ATP13A4: variants seen among roughly 807,000 people sequenced by gnomAD.
ATP13A4 encodes probable cation-transporting ATPase 13A4.
A neutral mutation model predicts 142.5 loss-of-function variants in ATP13A4; 114 were observed. That is an observed-to-expected ratio of 0.80 (90% CI 0.69 to 0.93). ATP13A4 has a LOEUF of 0.93. Among genes scored for constraint, ATP13A4 ranks in the 40% least tolerant of loss-of-function variants. The pLI, the probability that ATP13A4 is intolerant of heterozygous loss-of-function variation, is 0.00. For synonymous variants in ATP13A4, 488 were observed against 514.8 expected (o/e 0.95, Z 0.70); for missense variants, 1,392 against 1,454.0 (o/e 0.96, Z 0.69).
At chr3:193,572,296 T>C (rs1474341318) in intron 2 of ATP13A4, among the ~76,000 whole-genome samples, 1 of 152,160 alleles carries the variant, frequency 6.6e-6, no homozygotes, top group Admixed American at 6.5e-5. Context: ...GAACTCTCTA[T>C]CCTATCTTCA....
At chr3:193,475,010 G>T (rs567708321) in intron 8 of ATP13A4, among the ~76,000 whole-genome samples, 68 of 152,182 alleles carry the variant, frequency 4.5e-4, no homozygotes, top group Non-Finnish European at 5.7e-4. Flanking sequence ...CTATTGTCAA[G>T]GCTGCGAGGA....
At chr3:193,544,082 A>G (rs1723091162) in intron 1 of ATP13A4, among the ~76,000 whole-genome samples, 1 of 152,140 alleles carries the variant, frequency 6.6e-6, no homozygotes, top group Non-Finnish European at 1.5e-5. Flanking sequence ...GAGGTGACTA[A>G]TGGCTCCAGG....
chr3:193,590,352 G>A (rs1371973715), intron 1 of ATP13A4, among the ~76,000 whole-genome samples: 2 of 152,292 alleles, frequency 1.3e-5, no homozygotes, highest in Non-Finnish European at 1.5e-5. Context: ...TGAGTCATAA[G>A]TCTCGATGGG....
intron 3 of ATP13A4, among the ~76,000 whole-genome samples, chr3:193,498,548 C>T (rs1225571724): frequency 1.3e-5 from 2 of 152,238 alleles, no homozygotes; most frequent in Non-Finnish European, 2.9e-5. Context: ...ATTATACTCT[C>T]AGGCTGCTCA....
intron 22 of ATP13A4, 121 bp from the exon 23 acceptor site, chr3:193,438,705 G>C: frequency 2.4e-6 from 2 of 846,304 alleles, no homozygotes; most frequent in Non-Finnish European, 3.9e-6. Context: ...CTCTAACCAA[G>C]AGACTTAACC....
chr3:193,454,503 AT>A (rs1717471890), intron 16 of ATP13A4, among the ~76,000 whole-genome samples: 1 of 152,242 alleles, frequency 6.6e-6, no homozygotes. Context: ...AGAATCTACC[AT>A]CTGGCAGGCA....
chr3:193,448,185 A>G (rs776896777), intron 18 of ATP13A4, 21 bp downstream of exon 18: 1 of 1,613,446 alleles, frequency 6.2e-7, no homozygotes, highest in South Asian at 1.1e-5. Flanking sequence ...TACTGTTTTC[A>G]CTGTATACTT....
At chr3:193,435,537 G>T in intron 24 of ATP13A4, 111 bp downstream of exon 24, 2 of 888,168 alleles carry the variant, frequency 2.3e-6, no homozygotes, top group Non-Finnish European at 3.8e-6. Context: ...AGGGGCTGTT[G>T]TTGTTCAGAT....
At chr3:193,585,733 C>T (rs1429189680) in intron 1 of ATP13A4, among the ~76,000 whole-genome samples, 1 of 152,060 alleles carries the variant, frequency 6.6e-6, no homozygotes, top group African/African-American at 2.4e-5. Context: ...CTTTCATTTT[C>T]TCACTGCTGC....
intron 3 of ATP13A4, among the ~76,000 whole-genome samples, chr3:193,497,093 T>C (rs916049802): frequency 3.3e-5 from 5 of 152,116 alleles, no homozygotes; most frequent in Admixed American, 2.0e-4. Context: ...GCTAAAAGTT[T>C]CTATACAGCA....
intron 1 of ATP13A4, among the ~76,000 whole-genome samples, chr3:193,550,739 T>C (rs1723508275): frequency 6.6e-6 from 1 of 152,176 alleles, no homozygotes; most frequent in Non-Finnish European, 1.5e-5. Context: ...AATTCAAAGG[T>C]TTTTTTATTT....
At chr3:193,484,074 T>C in intron 7 of ATP13A4, 69 bp from the exon 8 acceptor site, 1 of 1,338,216 alleles carries the variant, frequency 7.5e-7, no homozygotes, top group Non-Finnish European at 1.1e-6. Context: ...ATTAAGGTGC[T>C]AGGCTTCTTT....
chr3:193,433,096 T>C (rs574213712), intron 25 of ATP13A4, among the ~76,000 whole-genome samples: 2 of 152,350 alleles, frequency 1.3e-5, no homozygotes, highest in African/African-American at 2.4e-5. Flanking sequence ...ACATGAATGT[T>C]GGTTGAGATT....
intron 19 of ATP13A4, among the ~76,000 whole-genome samples, 193 bp from the exon 20 acceptor site, chr3:193,441,781 A>G (rs2108623589): frequency 6.6e-6 from 1 of 152,342 alleles, no homozygotes; most frequent in African/African-American, 2.4e-5. Flanking sequence ...ATAGGAGAAT[A>G]ACACTTACTC....
At chr3:193,555,057 C>A, upstream of ATP13A4, 1 of 812,762 alleles carries the variant, frequency 1.2e-6, no homozygotes. Flanking sequence ...GAGCAGCTGT[C>A]TCAAAGGAGG....
chr3:193,486,429 G>C (rs992460188), intron 7 of ATP13A4, among the ~76,000 whole-genome samples: 2 of 152,208 alleles, frequency 1.3e-5, no homozygotes, highest in African/African-American at 2.4e-5. Context: ...GTGGAAAACA[G>C]TGAAGGATGC....
At chr3:193,482,714 A>C (rs1577009749) in intron 8 of ATP13A4, among the ~76,000 whole-genome samples, 1 of 152,354 alleles carries the variant, frequency 6.6e-6, no homozygotes, top group Admixed American at 6.5e-5. Flanking sequence ...ACTACCACAC[A>C]CCAAAGTGGC....
intron 1 of ATP13A4, among the ~76,000 whole-genome samples, chr3:193,522,964 C>G (rs1577048556): frequency 6.6e-6 from 1 of 152,060 alleles, no homozygotes; most frequent in African/African-American, 2.4e-5. Context: ...CAACTAAAAC[C>G]CTTGGAATGT....
rs1185931625 is a variant in ATP13A4, at chr3:193,416,191, T to A, written c.2843-1441A>T. ...AGTACAGTCTTTCCAAAAAAAGCTT[T>A]GGAAAGTCACTAAACAAATGGACTA... On this transcript the variant is annotated intron_variant, in intron 25 of 29. Transcript: ENST00000342695. Among the ~76,000 whole-genome samples, 3 of 152,186 alleles carry A rather than the reference T, an allele frequency of 2.0e-5. No homozygotes were observed. The East Asian group carries it at 5.8e-4, about 29-fold the overall frequency.
Sources: allele counts gnomAD v4.1 joint callset (sites outside exome capture counted in the v4.1 genomes callset), GRCh38; gene constraint gnomAD v4.1.1; transcripts MANE v1.5; gene names NCBI Gene and HGNC (gene_info 2026-07-23, HGNC 2026-07-21).